Variants in SRRM3 observed in about 807,000 individuals in gnomAD.
SRRM3 encodes the protein serine/arginine repetitive matrix protein 3.
In SRRM3, 27 loss-of-function variants were observed where a neutral mutation model predicts 66.2. The ratio of observed to expected loss-of-function variants is 0.41; its 90% CI spans 0.30 to 0.56. SRRM3 has a LOEUF of 0.56. Ranked by LOEUF, SRRM3 falls within the 20% of genes least tolerant of loss-of-function variation. The pLI, the probability that SRRM3 is intolerant of heterozygous loss-of-function variation, is 0.32. For missense variants in SRRM3, 918 were observed against 991.9 expected (o/e 0.93, Z 1.00); for synonymous variants, 391 against 414.9 (o/e 0.94, Z 0.70).
chr7:76,271,206 C>T (rs1554610504), intron 11 of SRRM3, among the ~76,000 whole-genome samples: 2 of 151,984 alleles, frequency 1.3e-5, no homozygotes, highest in African/African-American at 4.8e-5. Context: ...CAGTGGCTCA[C>T]ACCTGTAATC....
chr7:76,266,287 TTA>T (rs1554609632), intron 10 of SRRM3, among the ~76,000 whole-genome samples: 1 of 100,726 alleles, frequency 9.9e-6, no homozygotes, highest in African/African-American at 3.8e-5. Flanking sequence ...TATTATATAT[TTA>T]TATATTTAAT....
intron 1 of SRRM3, among the ~76,000 whole-genome samples, chr7:76,228,710 C>A (rs930631479): frequency 6.6e-6 from 1 of 151,944 alleles, no homozygotes; most frequent in Non-Finnish European, 1.5e-5. Context: ...GGCAACAGTG[C>A]GAGACGCCGT....
At chr7:76,216,469 C>G (rs1328709307) in intron 1 of SRRM3, among the ~76,000 whole-genome samples, 1 of 152,238 alleles carries the variant, frequency 6.6e-6, no homozygotes, top group African/African-American at 2.4e-5. Context: ...GACTTTTCCA[C>G]TGAGTCCTTG....
At chr7:76,203,932 C>T (rs1800224923) in intron 1 of SRRM3, among the ~76,000 whole-genome samples, 1 of 152,164 alleles carries the variant, frequency 6.6e-6, no homozygotes, top group African/African-American at 2.4e-5. Context: ...GTGACTCCCA[C>T]AAGGTCACTG....
intron 1 of SRRM3, among the ~76,000 whole-genome samples, chr7:76,219,128 G>A (rs534365338): frequency 2.6e-5 from 4 of 152,322 alleles, no homozygotes; most frequent in South Asian, 4.1e-4. Context: ...GATTACAGGC[G>A]TGAGCCACCA....
At chr7:76,221,870 T>G (rs1554603246) in intron 1 of SRRM3, among the ~76,000 whole-genome samples, 1 of 152,242 alleles carries the variant, frequency 6.6e-6, no homozygotes, top group Non-Finnish European at 1.5e-5. Context: ...AGTTCATGGC[T>G]GATAACAGCT....
chr7:76,237,331 C>T (rs1175840616), intron 2 of SRRM3, among the ~76,000 whole-genome samples: 3 of 152,084 alleles, frequency 2.0e-5, no homozygotes, highest in East Asian at 1.9e-4. Flanking sequence ...CGCTTGAACC[C>T]GGAGGCGGAG....
At chr7:76,251,956 T>C (rs782246867) in intron 3 of SRRM3, among the ~76,000 whole-genome samples, 7 of 151,888 alleles carry the variant, frequency 4.6e-5, no homozygotes, top group Non-Finnish European at 8.8e-5. Context: ...TCCCAGCTAC[T>C]CTGGAGCTGG....
In SRRM3 at chr7:76,223,334, T is replaced by C. The variant is rs183574398; in HGVS notation, c.-39-11694T>C. Among the ~76,000 whole-genome samples the C allele has an allele frequency of 1.7e-4, 26 of 152,246 alleles. 1 individual carries two copies. In the East Asian group the frequency reaches 2.1e-3, roughly 12 times the overall value. On this transcript the variant is annotated intron_variant, in intron 1 of 14. Transcript: ENST00000611745. The stretch of plus-strand genomic sequence containing the variant: ...GCTTTCAATATAAAGTGTTCAAGGC[T>C]GGAGGTCTGCAGAAGGGTCCTTACA...
chr7:76,216,350 G>C (rs1554602594), intron 1 of SRRM3, among the ~76,000 whole-genome samples: 1 of 151,944 alleles, frequency 6.6e-6, no homozygotes, highest in Non-Finnish European at 1.5e-5. Flanking sequence ...CCTGCCCCCA[G>C]GCTGGTCTTG....
At position 76,234,808 on chromosome 7, in the gene SRRM3, C is replaced by T. The variant is rs1175043506; in HGVS notation, c.-39-220C>T. 2.6e-5 allele frequency among the ~76,000 whole-genome samples: 4 copies of T among 152,256 alleles called. No individual in the cohort carries two copies. The South Asian group carries it at 6.2e-4, about 24-fold the overall frequency. On this transcript the variant is annotated intron_variant, in intron 1 of 14. Transcript: ENST00000611745. The stretch of plus-strand genomic sequence containing the variant: ...GCCATCCAGTCTGGCCTGCATCCAC[C>T]CACCTTACAGATGGAAAAAGCCCAG...
chr7:76,260,020 C>T lies in SRRM3; in HGVS notation c.450C>T (p.Gly150=). ...DCDCPASCYR[G]HRGYRTKHWS... ...ACTGCCCGGCCTCCTGCTACCGCGG[C>T]CACCGCGGGTACAGGTCAGCGGCCG... Residue 150 remains glycine (G), a synonymous_variant, in exon 4 of 15, where the codon GGC becomes GGT. Transcript: ENST00000611745. 1.3e-6 allele frequency: 2 copies of T among 1,568,720 alleles called. No individual in the cohort carries two copies. Among genetic ancestry groups the T allele is most frequent in the Non-Finnish European group, 1.7e-6 (2 of 1,162,434 alleles).
At chr7:76,231,293 A>T (rs1051690366) in intron 1 of SRRM3, among the ~76,000 whole-genome samples, 3 of 152,194 alleles carry the variant, frequency 2.0e-5, no homozygotes, top group African/African-American at 7.2e-5. Flanking sequence ...TCCAGACTGC[A>T]TCTGCCACGC....
At chr7:76,231,698 C>A (rs377655236) in intron 1 of SRRM3, among the ~76,000 whole-genome samples, 1 of 152,240 alleles carries the variant, frequency 6.6e-6, no homozygotes, top group African/African-American at 2.4e-5. Context: ...GAGTTACAAG[C>A]AAACAGCCAA....
Position 76,281,512 on chromosome 7 carries a change from G to T in SRRM3, c.1080G>T (p.Gly360=). 1.7e-6 allele frequency: 2 copies of T among 1,209,198 alleles called. No individual in the cohort carries two copies. Among genetic ancestry groups the T allele is most frequent in the Non-Finnish European group, 2.1e-6 (2 of 970,880 alleles). 74.9% of individuals were successfully genotyped at this position (1,209,198 alleles called of 1,614,324 possible). A position where few individuals can be genotyped will look rare whatever the true frequency, so the allele number is the denominator to read the frequency against. ...AAAAPTPPAR[G]KESPSPRSAP... is the part of the protein sequence containing the mutation. ...CCGCACCCACGCCGCCCGCGCGGGG[G>T]AAGGAGAGCCCGAGCCCGCGCTCGG... The change falls in exon 12 of 15, where the codon GGG becomes GGT. Residue 360 remains glycine, a synonymous_variant. Coordinates refer to ENST00000611745, the MANE Select transcript of SRRM3 (RefSeq NM_001110199.3).
chr7:76,247,793 CA>C (rs1554606306), intron 2 of SRRM3, among the ~76,000 whole-genome samples: 1 of 152,182 alleles, frequency 6.6e-6, no homozygotes, highest in Non-Finnish European at 1.5e-5. Context: ...CTCCCAGGTT[CA>C]GGTGATTCTC....
At chr7:76,250,256 A>C (rs1554606731) in intron 3 of SRRM3, among the ~76,000 whole-genome samples, 1 of 144,922 alleles carries the variant, frequency 6.9e-6, no homozygotes, top group African/African-American at 2.6e-5. Flanking sequence ...TTTGAGACAG[A>C]GTTTTGCTCT....
At chr7:76,263,926 G>A (rs1438358819) in intron 8 of SRRM3, among the ~76,000 whole-genome samples, 1 of 145,882 alleles carries the variant, frequency 6.9e-6, no homozygotes, top group Non-Finnish European at 1.5e-5. Context: ...CATGCCCTTG[G>A]GAAAGCATTT....
chr7:76,214,744 A>G (rs1800515211), intron 1 of SRRM3, among the ~76,000 whole-genome samples: 1 of 152,120 alleles, frequency 6.6e-6, no homozygotes. Flanking sequence ...GGCAGGGACC[A>G]GTGGGAAGAC....
Sources: gnomAD v4.1 joint callset for allele counts (sites outside exome capture counted in the v4.1 genomes callset) on GRCh38, gnomAD v4.1.1 for gene constraint, MANE v1.5 for transcripts, NCBI Gene and HGNC (gene_info 2026-07-23, HGNC 2026-07-21) for gene names.